Variants in HEXB observed in about 807,000 individuals in gnomAD.
The protein encoded by HEXB is hexosaminidase subunit beta.
In HEXB, 51 loss-of-function variants were observed where a neutral mutation model predicts 71.2. That is an observed-to-expected ratio of 0.72 (90% confidence interval 0.57 to 0.90). The LOEUF (loss-of-function observed/expected upper bound fraction) is 0.90. Among genes scored for constraint, HEXB ranks in the 40% least tolerant of loss-of-function variants. HEXB has a pLI of 0.00. For missense variants in HEXB, 617 were observed against 677.0 expected, an observed-to-expected ratio of 0.91 and a Z score of 0.98; for synonymous variants, 266 against 249.3, an observed-to-expected ratio of 1.07 and a Z score of -0.63.
chr5:74,656,542 A>G (rs1309998173), intron 1 of HEXB, among the ~76,000 whole-genome samples: 1 of 134,370 alleles, frequency 7.4e-6, no homozygotes, highest in Non-Finnish European at 1.6e-5. Context: ...AAATAAAATA[A>G]AAGTCAGGAG....
chr5:74,647,152 T>G (rs1025733959), intron 1 of HEXB, among the ~76,000 whole-genome samples: 2 of 152,210 alleles, frequency 1.3e-5, no homozygotes, highest in Non-Finnish European at 2.9e-5. Flanking sequence ...TTTTTCTCCC[T>G]GTTTTTCTTT....
At chr5:74,687,483 G>T (rs931091215) in intron 1 of HEXB, among the ~76,000 whole-genome samples, 1 of 152,126 alleles carries the variant, frequency 6.6e-6, no homozygotes. Context: ...TTCATCACAT[G>T]CTAGTCACTC....
chr5:74,695,839 T>TAA lies in HEXB; in HGVS notation c.512-838_512-837dup, dbSNP rs34022383. 2.3e-3 allele frequency among the ~76,000 whole-genome samples: 302 copies of TAA among 132,860 alleles called. 1 individual carries two copies. Among genetic ancestry groups the TAA allele is most frequent in the East Asian group, 8.4e-3 (37 of 4,402 alleles). 87.2% of individuals were successfully genotyped at this position (132,860 alleles called of 152,430 possible). A position where few individuals can be genotyped will look rare whatever the true frequency, so the allele number is the denominator to read the frequency against. On this transcript the variant is annotated intron_variant, in intron 3 of 13. Transcript: ENST00000261416. ...CTGGGTGACAGAGCAAGACTCCGTCTAAAAAAAAAAAAAAAAAGATAAAAC... is the reference window on the plus strand; with the variant it reads ...CTGGGTGACAGAGCAAGACTCCGTCTAAAAAAAAAAAAAAAAAAAGATAAAAC...
At chr5:74,714,096 A>G (rs897820120) in intron 7 of HEXB, among the ~76,000 whole-genome samples, 1 of 152,162 alleles carries the variant, frequency 6.6e-6, no homozygotes, top group Non-Finnish European at 1.5e-5. Flanking sequence ...CGGCCTCCCA[A>G]AGTGTTGGGA....
In HEXB at chr5:74,718,841, T is replaced by C; in HGVS notation, c.1287T>C (p.Tyr429=). 1 of 1,614,198 alleles carries C rather than the reference T, an allele frequency of 6.2e-7. No individual in the cohort carries two copies. The highest frequency in any genetic ancestry group is 8.5e-7 in the Non-Finnish European group (1 of 1,180,006). Residue 429 remains tyrosine (Y), a synonymous_variant, in exon 11 of 14, where the codon TAT becomes TAC. Coordinates refer to ENST00000261416, the MANE Select transcript of HEXB (RefSeq NM_000521.4). ...TTGAAGTATGGAAAGACAGCGCATA[T>C]CCTGAGGAACTCAGTAGAGTCACAG... ...TIVEVWKDSA[Y]PEELSRVTAS...
chr5:74,670,823 A>T (rs1397450990), intron 1 of HEXB, among the ~76,000 whole-genome samples: 1 of 152,128 alleles, frequency 6.6e-6, no homozygotes, highest in African/African-American at 2.4e-5. Context: ...ACCCACACAG[A>T]GCCTGCTCCT....
chr5:74,701,365 T>A (rs1309262188), intron 5 of HEXB, among the ~76,000 whole-genome samples: 1 of 152,204 alleles, frequency 6.6e-6, no homozygotes, highest in Non-Finnish European at 1.5e-5. Flanking sequence ...AGAATTTACT[T>A]TAGTGTATCA....
chr5:74,703,359 T>C (rs1749306819), intron 5 of HEXB, among the ~76,000 whole-genome samples: 2 of 152,232 alleles, frequency 1.3e-5, no homozygotes, highest in South Asian at 2.1e-4. Context: ...AGCACTGTCT[T>C]ACTTTTTGGC....
rs79789492 is a variant in HEXB at position 74,670,056 on chromosome 5, T to G, written c.-376-19272T>G. Among the ~76,000 whole-genome samples the G allele has an allele frequency of 8.4e-3, 1,282 of 152,258 alleles. 23 individuals are homozygous for G. Among genetic ancestry groups the G allele is most frequent in the African/African-American group, 0.029 (1,204 of 41,552 alleles). On this transcript the variant is annotated intron_variant, in intron 1 of 13. Transcript: ENST00000511181. ...TTCAAACCAAAGAGAGTTTGAAGCC[T>G]GAAAGCCAAGGTACTAGTCTTGCAT...
At chr5:74,691,022 G>T (rs1748992427) in intron 2 of HEXB, among the ~76,000 whole-genome samples, 1 of 152,158 alleles carries the variant, frequency 6.6e-6, no homozygotes, top group Admixed American at 6.6e-5. Context: ...ATAACAGATT[G>T]TAAATTCCAC....
chr5:74,683,439 G>T (rs1748776490), upstream of HEXB, among the ~76,000 whole-genome samples: 1 of 152,128 alleles, frequency 6.6e-6, no homozygotes, highest in Non-Finnish European at 1.5e-5. Context: ...AAGTAGCTGG[G>T]ATTACGGGCG....
At chr5:74,711,605 C>T (rs935488453) in intron 6 of HEXB, among the ~76,000 whole-genome samples, 3 of 152,044 alleles carry the variant, frequency 2.0e-5, no homozygotes, top group Non-Finnish European at 4.4e-5. Flanking sequence ...CAAACAACCC[C>T]ATCAAAAAGT....
At chr5:74,696,615 G>C (rs1580383397) in intron 3 of HEXB, 78 bp from the exon 4 acceptor site, 1 of 788,828 alleles carries the variant, frequency 1.3e-6, no homozygotes, top group East Asian at 2.6e-5. Flanking sequence ...CTGGTTATGA[G>C]TCTGTTTGAA....
chr5:74,668,229 T>TG (rs1376424370), intron 1 of HEXB, among the ~76,000 whole-genome samples: 101 of 97,964 alleles, frequency 1.0e-3, no homozygotes, highest in African/African-American at 5.0e-3. Flanking sequence ...TTTTGTTTTG[T>TG]TTGTGTGTGT....
At chr5:74,711,376 C>T (rs1323578129) in intron 6 of HEXB, among the ~76,000 whole-genome samples, 3 of 149,958 alleles carry the variant, frequency 2.0e-5, no homozygotes, top group Admixed American at 6.7e-5. Context: ...TAGGCATGGG[C>T]AAGGACTTCA....
intron 1 of HEXB, among the ~76,000 whole-genome samples, chr5:74,653,300 T>C (rs1055117451): frequency 1.3e-5 from 2 of 152,200 alleles, no homozygotes; most frequent in Non-Finnish European, 2.9e-5. Context: ...TGTCCCTCAA[T>C]TTACACAGTA....
At position 74,688,042 on chromosome 5, in the gene HEXB, T is replaced by C. The variant is rs113708965; in HGVS notation, c.300-1286T>C. ...CATTTTTATTTAATATTCTGATTTT[T>C]GGATACCAAAAACAATTGCTCTGAA... is the stretch of plus-strand genomic sequence containing the variant. On this transcript the variant is annotated intron_variant, in intron 1 of 13. Transcript: ENST00000261416. Among the ~76,000 whole-genome samples the C allele has an allele frequency of 1.3e-3, 197 of 152,310 alleles. 1 individual carries two copies. Among genetic ancestry groups the C allele is most frequent in the African/African-American group, 4.6e-3 (190 of 41,590 alleles).
intron 1 of HEXB, among the ~76,000 whole-genome samples, chr5:74,644,754 C>CT (rs74442046): frequency 2.1e-5 from 2 of 96,092 alleles, no homozygotes; most frequent in African/African-American, 4.3e-5. Context: ...TATTCTTCCT[C>CT]TTTTTTTTCC....
chr5:74,720,861 GAATT>G, intron 13 of HEXB, 114 bp downstream of exon 13: 1 of 921,500 alleles, frequency 1.1e-6, no homozygotes, highest in Non-Finnish European at 1.7e-6. Flanking sequence ...AAGAAACCAG[GAATT>G]ATTTTTTTGT....
Sources: gnomAD v4.1 joint callset for allele counts (sites outside exome capture counted in the v4.1 genomes callset) on GRCh38, gnomAD v4.1.1 for gene constraint, MANE v1.5 for transcripts, NCBI Gene and HGNC (gene_info 2026-07-23, HGNC 2026-07-21) for gene names.